Variants in ANKFN1 observed in about 807,000 individuals in gnomAD.
ANKFN1 encodes ankyrin repeat and fibronectin type III domain containing 1.
In ANKFN1, 74 loss-of-function variants were observed where a neutral mutation model predicts 108.7. The ratio of observed to expected loss-of-function variants is 0.68; its 90% CI spans 0.56 to 0.83. The LOEUF (loss-of-function observed/expected upper bound fraction) is 0.83. Ranked by LOEUF, ANKFN1 falls within the 40% of genes least tolerant of loss-of-function variation. ANKFN1 has a pLI of 0.00. For missense variants in ANKFN1, 1,505 were observed against 1,382.3 expected (o/e 1.09, Z -1.41); for synonymous variants, 547 against 516.2 (o/e 1.06, Z -0.81).
chr17:56,267,364 T>C (rs2043680044), intron 3 of ANKFN1, among the ~76,000 whole-genome samples: 1 of 152,216 alleles, frequency 6.6e-6, no homozygotes, highest in Admixed American at 6.5e-5. Flanking sequence ...TTGGTAGTTG[T>C]CTGTTTATTC....
At chr17:56,389,571 A>T (rs960681505) in intron 8 of ANKFN1, among the ~76,000 whole-genome samples, 1 of 152,212 alleles carries the variant, frequency 6.6e-6, no homozygotes, top group Non-Finnish European at 1.5e-5. Flanking sequence ...TGCTCAGTAA[A>T]CATGACCTCA....
At chr17:56,377,701 T>C (rs2046981756) in intron 8 of ANKFN1, among the ~76,000 whole-genome samples, 2 of 152,206 alleles carry the variant, frequency 1.3e-5, no homozygotes, top group African/African-American at 4.8e-5. Flanking sequence ...GCAGATTATG[T>C]CATTTCTCTG....
intron 4 of ANKFN1, among the ~76,000 whole-genome samples, chr17:56,348,431 G>T (rs989945665): frequency 6.6e-6 from 1 of 151,702 alleles, no homozygotes; most frequent in Admixed American, 6.6e-5. Context: ...AAACTTAAAA[G>T]GTGCCTCAGC....
intron 1 of ANKFN1, among the ~76,000 whole-genome samples, chr17:56,188,064 A>T (rs185476097): frequency 6.6e-6 from 1 of 152,306 alleles, no homozygotes; most frequent in African/African-American, 2.4e-5. Flanking sequence ...CATGTACCCT[A>T]GAACTTAAAG....
chr17:56,349,530 T>A (rs1431184250), intron 4 of ANKFN1, among the ~76,000 whole-genome samples: 1 of 152,094 alleles, frequency 6.6e-6, no homozygotes, highest in Non-Finnish European at 1.5e-5. Context: ...AATTAACTTC[T>A]GGGTAGTGCT....
At chr17:56,078,725 A>G (rs1905210460) in intron 4 of ANKFN1, among the ~76,000 whole-genome samples, 1 of 152,218 alleles carries the variant, frequency 6.6e-6, no homozygotes, top group African/African-American at 2.4e-5. Flanking sequence ...CTGACAGACA[A>G]AAGGATCCAA....
intron 4 of ANKFN1, among the ~76,000 whole-genome samples, chr17:56,130,930 T>C (rs958236597): frequency 6.2e-5 from 9 of 144,188 alleles, no homozygotes; most frequent in Non-Finnish European, 9.0e-5. Flanking sequence ...GGCTTCTAAC[T>C]TGAGTTTTTT....
chr17:56,254,920 C>T (rs989872093), intron 3 of ANKFN1, among the ~76,000 whole-genome samples: 1 of 152,198 alleles, frequency 6.6e-6, no homozygotes, highest in South Asian at 2.1e-4. Context: ...GAACCCTGCT[C>T]TTTCACCCCT....
chr17:56,380,315 C>T (rs982943917), intron 8 of ANKFN1, among the ~76,000 whole-genome samples: 5 of 152,088 alleles, frequency 3.3e-5, no homozygotes, highest in African/African-American at 7.2e-5. Flanking sequence ...CCAAGATGGC[C>T]GAATAGGAAC....
At chr17:56,162,401 G>T (rs1451217069) in intron 1 of ANKFN1, among the ~76,000 whole-genome samples, 2 of 152,158 alleles carry the variant, frequency 1.3e-5, no homozygotes, top group African/African-American at 2.4e-5. Flanking sequence ...TGAGGGAAGG[G>T]TCTGTTTTAA....
intron 3 of ANKFN1, among the ~76,000 whole-genome samples, chr17:56,262,843 A>C (rs542387204): frequency 4.6e-5 from 7 of 152,060 alleles, no homozygotes; most frequent in African/African-American, 1.7e-4. Flanking sequence ...ATAGTTAGAG[A>C]GACGAGCCAC....
At chr17:56,113,452 A>G (rs1054065711) in intron 4 of ANKFN1, among the ~76,000 whole-genome samples, 1 of 152,154 alleles carries the variant, frequency 6.6e-6, no homozygotes, top group African/African-American at 2.4e-5. Flanking sequence ...AAAGAATGGA[A>G]AGGGCCCCTA....
chr17:56,399,059 T>C (rs1419455144), intron 8 of ANKFN1, among the ~76,000 whole-genome samples: 1 of 152,014 alleles, frequency 6.6e-6, no homozygotes, highest in Non-Finnish European at 1.5e-5. Flanking sequence ...CACATACCAG[T>C]GAGGAAAATA....
chr17:56,257,353 T>G (rs1372004394), intron 3 of ANKFN1, among the ~76,000 whole-genome samples: 2 of 152,226 alleles, frequency 1.3e-5, no homozygotes, highest in Non-Finnish European at 2.9e-5. Context: ...TGGCTGCAGA[T>G]GGAACTGCAA....
At chr17:56,072,807 G>A (rs903237608) in intron 4 of ANKFN1, among the ~76,000 whole-genome samples, 1 of 152,166 alleles carries the variant, frequency 6.6e-6, no homozygotes, top group African/African-American at 2.4e-5. Flanking sequence ...TGGGTGAAGT[G>A]CAGATGAGGA....
At chr17:56,244,952 C>T (rs188879465) in intron 3 of ANKFN1, among the ~76,000 whole-genome samples, 1 of 152,224 alleles carries the variant, frequency 6.6e-6, no homozygotes, top group East Asian at 1.9e-4. Context: ...CTAATTTCAA[C>T]ATATGTTTCC....
At chr17:56,184,345 G>A (rs8066338) in intron 1 of ANKFN1, among the ~76,000 whole-genome samples, 5 of 152,282 alleles carry the variant, frequency 3.3e-5, no homozygotes, top group African/African-American at 1.2e-4. Context: ...GTTAAGACTT[G>A]CTGAAGACTC....
chr17:56,159,647 A>G (rs1342999351), intron 1 of ANKFN1, among the ~76,000 whole-genome samples: 1 of 151,866 alleles, frequency 6.6e-6, no homozygotes, highest in Non-Finnish European at 1.5e-5. Context: ...TCTAACCTCT[A>G]CCCTCCCCCT....
rs577114611 is a variant in ANKFN1 at position 56,480,727 on chromosome 17, A to G, written c.2000A>G (p.His667Arg). 68 of 1,613,988 alleles carry G rather than the reference A, an allele frequency of 4.2e-5. 1 individual carries two copies. In the South Asian group the frequency reaches 7.4e-4, roughly 17 times the overall value. ...TCTGAATCTATGGAAAGTGTGGATC[A>G]TACTTCTGACTGCCCCATGCAATTG... ...SGSESMESVD[H>R]TSDCPMQLFF... The change falls in exon 17 of 21, where the codon CAT (histidine) becomes CGT (arginine). Residue 667 changes from histidine (H) to arginine (R), a missense_variant. His to Arg is a conservative substitution (Grantham distance 29). Coordinates refer to ENST00000682825, the MANE Select transcript of ANKFN1 (RefSeq NM_001370326.1).
Sources: gnomAD v4.1 joint callset for allele counts (sites outside exome capture counted in the v4.1 genomes callset) on GRCh38, gnomAD v4.1.1 for gene constraint, MANE v1.5 for transcripts, NCBI Gene and HGNC (gene_info 2026-07-23, HGNC 2026-07-21) for gene names.